NRG1: variants seen among roughly 807,000 people sequenced by gnomAD.
NRG1 encodes neuregulin 1.
Under a neutral mutation model 63.8 loss-of-function variants are expected in NRG1, and 18 were observed. That is an observed-to-expected ratio of 0.28 (90% confidence interval 0.19 to 0.42). The LOEUF (loss-of-function observed/expected upper bound fraction) is 0.42. Ranked by LOEUF, NRG1 falls within the 10% of genes least tolerant of loss-of-function variation. The pLI, the probability that NRG1 is intolerant of heterozygous loss-of-function variation, is 1.00. For synonymous variants in NRG1, 302 were observed against 301.3 expected, an observed-to-expected ratio of 1.00 and a Z score of -0.02; for missense variants, 762 against 814.7, an observed-to-expected ratio of 0.94 and a Z score of 0.79.
rs1003138603 is a variant in NRG1, at chr8:32,268,101, T to C, written c.38-327727T>C. ...GACTTTGAGGCACCAAGGGGCCATA[T>C]TGGGGAACCCCACATGGCAGCCTCC... On this transcript the variant is annotated intron_variant, in intron 1 of 10. Transcript: ENST00000519301. 7.2e-5 allele frequency among the ~76,000 whole-genome samples: 11 copies of C among 152,164 alleles called. 1 individual carries two copies. The highest frequency in any genetic ancestry group is 5.9e-4 in the Admixed American group (9 of 15,276).
intron 5 of NRG1, among the ~76,000 whole-genome samples, chr8:32,698,886 TTAAGTC>T (rs1283804796): frequency 6.6e-6 from 1 of 152,222 alleles, no homozygotes; most frequent in Non-Finnish European, 1.5e-5. Context: ...CCAGAAGCTA[TTAAGTC>T]TAACCACTAC....
chr8:32,385,043 G>A (rs1810818981), intron 1 of NRG1, among the ~76,000 whole-genome samples: 1 of 152,020 alleles, frequency 6.6e-6, no homozygotes, highest in Non-Finnish European at 1.5e-5. Flanking sequence ...TTTTTGAGAC[G>A]GAGTCTCGCT....
intron 1 of NRG1, among the ~76,000 whole-genome samples, chr8:32,484,396 C>T (rs764445695): frequency 9.5e-4 from 145 of 152,152 alleles, no homozygotes; most frequent in Non-Finnish European, 1.4e-3. Context: ...AGAAGGGAGT[C>T]AACTTTGACA....
At chr8:31,803,728 C>T (rs1244395575) in intron 1 of NRG1, among the ~76,000 whole-genome samples, 1 of 152,174 alleles carries the variant, frequency 6.6e-6, no homozygotes, top group Non-Finnish European at 1.5e-5. Flanking sequence ...GAATGACTTC[C>T]ATTGCACTTA....
intron 1 of NRG1, among the ~76,000 whole-genome samples, chr8:31,847,247 C>G (rs1826775947): frequency 6.6e-6 from 1 of 152,154 alleles, no homozygotes; most frequent in Non-Finnish European, 1.5e-5. Context: ...AATATCCTTT[C>G]CATCTATGGG....
chr8:31,653,137 A>G (rs912004641), intron 1 of NRG1, among the ~76,000 whole-genome samples: 4 of 150,826 alleles, frequency 2.7e-5, no homozygotes, highest in South Asian at 4.2e-4. Context: ...ATCTCTGGGT[A>G]TTGGGATTAT....
At chr8:32,054,815 A>G (rs932128032) in intron 1 of NRG1, among the ~76,000 whole-genome samples, 2 of 143,050 alleles carry the variant, frequency 1.4e-5, no homozygotes, top group African/African-American at 5.3e-5. Flanking sequence ...TTGGGTGTTT[A>G]CTGCCTCAAA....
intron 1 of NRG1, among the ~76,000 whole-genome samples, chr8:31,854,314 T>C (rs1827603670): frequency 6.6e-6 from 1 of 152,236 alleles, no homozygotes. Context: ...TACTCAGAGA[T>C]TCAACTTCTT....
intron 1 of NRG1, among the ~76,000 whole-genome samples, chr8:32,199,721 TTAGA>T (rs1478845720): frequency 1.2e-4 from 18 of 152,358 alleles, no homozygotes; most frequent in African/African-American, 3.6e-4. Flanking sequence ...TGAAAACTAC[TTAGA>T]TATTCTTTTA....
At chr8:32,727,145 C>T (rs1589444086) in intron 5 of NRG1, among the ~76,000 whole-genome samples, 1 of 152,184 alleles carries the variant, frequency 6.6e-6, no homozygotes, top group African/African-American at 2.4e-5. Flanking sequence ...ATTCATGCAC[C>T]CACTTTCATG....
At chr8:32,169,757 T>G (rs1839807193) in intron 1 of NRG1, among the ~76,000 whole-genome samples, 1 of 152,190 alleles carries the variant, frequency 6.6e-6, no homozygotes, top group Non-Finnish European at 1.5e-5. Context: ...AAACTATGGG[T>G]AACACAAAAG....
chr8:31,680,073 T>C (rs1250382917), intron 1 of NRG1, among the ~76,000 whole-genome samples: 1 of 152,224 alleles, frequency 6.6e-6, no homozygotes, highest in East Asian at 1.9e-4. Flanking sequence ...AAATAAATCA[T>C]AGTTCTGAGT....
chr8:31,894,832 G>A (rs1831447584), intron 1 of NRG1, among the ~76,000 whole-genome samples: 1 of 152,034 alleles, frequency 6.6e-6, no homozygotes, highest in African/African-American at 2.4e-5. Context: ...TTACAGGCGT[G>A]AGCCACCGCA....
At chr8:31,672,291 A>G (rs567711567) in intron 1 of NRG1, among the ~76,000 whole-genome samples, 1 of 152,278 alleles carries the variant, frequency 6.6e-6, no homozygotes, top group African/African-American at 2.4e-5. Flanking sequence ...TTGGTAGTAG[A>G]CAAACCATTA....
chr8:32,027,450 TTCCTTCCTTCCTTCCTTCCC>T (rs1448109269), intron 1 of NRG1, among the ~76,000 whole-genome samples: 5 of 121,610 alleles, frequency 4.1e-5, no homozygotes, highest in Admixed American at 3.1e-4. Context: ...CCTTCCTTCC[TTCCTTCCTTCCTTCCTTCCC>T]TCCCTCCCTC....
At chr8:31,784,321 A>G (rs1819976784) in intron 1 of NRG1, among the ~76,000 whole-genome samples, 1 of 152,222 alleles carries the variant, frequency 6.6e-6, no homozygotes, top group African/African-American at 2.4e-5. Context: ...AAACTTATTC[A>G]TATGAGCTAA....
At chr8:32,171,678 A>G (rs927870753) in intron 1 of NRG1, among the ~76,000 whole-genome samples, 6 of 152,128 alleles carry the variant, frequency 3.9e-5, no homozygotes, top group Non-Finnish European at 8.8e-5. Flanking sequence ...GGTCTTAGCA[A>G]ACGGCACACC....
intron 1 of NRG1, among the ~76,000 whole-genome samples, chr8:32,321,520 T>C (rs28561517): frequency 0.098 from 14,423 of 146,944 alleles, 968 homozygotes; most frequent in African/African-American, 0.19. Context: ...GTTTTTTTTT[T>C]TTCTTCTTCT....
intron 1 of NRG1, among the ~76,000 whole-genome samples, chr8:32,009,376 T>C (rs80039494): frequency 0.055 from 8,406 of 152,106 alleles, 360 homozygotes; most frequent in African/African-American, 0.12. Context: ...AATCAGTCAG[T>C]CAACATTTGA....
Sources: gnomAD v4.1 joint callset for allele counts (sites outside exome capture counted in the v4.1 genomes callset) on GRCh38, gnomAD v4.1.1 for gene constraint, MANE v1.5 for transcripts, NCBI Gene and HGNC (gene_info 2026-07-23, HGNC 2026-07-21) for gene names.